The following PANX2 variants were observed in gnomAD, a reference collection of about 807,000 sequenced individuals.
PANX2 encodes pannexin-2.
PANX2 carries 30 observed loss-of-function variants against 38.7 expected under a neutral mutation model. The observed-to-expected ratio is 0.78, with a 90% CI of 0.58 to 1.05. PANX2 has a LOEUF of 1.05. Among genes scored for constraint, PANX2 ranks in the 50% least tolerant of loss-of-function variants. PANX2 has a pLI of 0.00. For synonymous variants in PANX2, 539 were observed against 472.1 expected, an observed-to-expected ratio of 1.14 and a Z score of -1.84; for missense variants, 880 against 979.3, an observed-to-expected ratio of 0.90 and a Z score of 1.35.
At chr22:50,176,701 C>T (rs976184832) in intron 1 of PANX2, among the ~76,000 whole-genome samples, 4 of 152,182 alleles carry the variant, frequency 2.6e-5, no homozygotes, top group Non-Finnish European at 5.9e-5. Flanking sequence ...GCGGTCATGG[C>T]TTCCACCTGC....
At chr22:50,178,901 G>A (rs1452918467) in intron 2 of PANX2, 33 bp from the exon 3 acceptor site, 3 of 1,516,222 alleles carry the variant, frequency 2.0e-6, no homozygotes, top group Non-Finnish European at 2.7e-6. Context: ...GCGGAGGATG[G>A]TGTGAGATGT....
chr22:50,176,026 TG>T (rs1256431700), intron 1 of PANX2, among the ~76,000 whole-genome samples: 7 of 152,316 alleles, frequency 4.6e-5, no homozygotes, highest in African/African-American at 1.7e-4. Flanking sequence ...AGGCTGAGGC[TG>T]GTGTGGGCCT....
At chr22:50,178,437 TG>T in intron 2 of PANX2, 35 bp downstream of exon 2, 1 of 1,123,814 alleles carries the variant, frequency 8.9e-7, no homozygotes, top group Non-Finnish European at 1.1e-6. Context: ...GACGGGGGAC[TG>T]GGGGTGGGAG....
At chr22:50,172,181 T>G (rs1209858019) in intron 1 of PANX2, among the ~76,000 whole-genome samples, 2 of 152,192 alleles carry the variant, frequency 1.3e-5, no homozygotes, top group Non-Finnish European at 2.9e-5. Flanking sequence ...TTCTCTGTGT[T>G]TGTAGCAACC....
chr22:50,178,846 T>C (rs2063680801), intron 2 of PANX2, 88 bp from the exon 3 acceptor site: 2 of 1,220,552 alleles, frequency 1.6e-6, no homozygotes, highest in East Asian at 2.5e-5. Context: ...CCGTGAGCCC[T>C]GCTCCCCCGC....
chr22:50,178,332 G>A lies in PANX2; in HGVS notation c.1620G>A (p.Arg540=). ...TGCCCGCCGCCCTGCCCGCCTCCCG[G>A]AGCCAGGAGGGGGGCTTCCTGTCCC... ...EAVPAALPAS[R]SQEGGFLSQA... is the part of the protein sequence containing the mutation. The change falls in exon 2 of 3, where the codon CGG becomes CGA. Residue 540 remains arginine (R), a synonymous_variant. Transcript: ENST00000395842. The A allele has an allele frequency of 6.7e-7, 1 of 1,503,162 alleles. No individual in the cohort carries two copies. Among genetic ancestry groups the A allele is most frequent in the Non-Finnish European group, 8.8e-7 (1 of 1,133,704 alleles). 93.1% of individuals were successfully genotyped at this position (1,503,162 alleles called of 1,614,324 possible).
At chr22:50,171,944 TC>T (rs1162601061) in intron 1 of PANX2, among the ~76,000 whole-genome samples, 1 of 151,960 alleles carries the variant, frequency 6.6e-6, no homozygotes, top group African/African-American at 2.4e-5. Flanking sequence ...CCTTAAGGAG[TC>T]CCCGTGGCCT....
Position 50,170,896 on chromosome 22 carries a change from A to G in PANX2, c.166A>G (p.Ile56Val), listed in dbSNP as rs756018496. 2.2e-5 allele frequency: 33 copies of G among 1,525,070 alleles called. No individual in the cohort carries two copies. The highest frequency in any genetic ancestry group is 1.4e-4 in the Admixed American group (7 of 49,426). The allele number at this position is 1,525,070 out of a possible 1,614,324, so 94.5% of individuals were successfully genotyped here. ...GCTGCCGTTCGACCGGGTGGTCACC[A>G]TCGGCACCGTGCTGGTGCCCATCCT... Reference protein sequence around the residue: ...LELPFDRVVTIGTVLVPILLV... With the variant: ...LELPFDRVVTVGTVLVPILLV... Residue 56 changes from isoleucine to valine, a missense_variant, in exon 1 of 3, where the codon ATC (isoleucine) becomes GTC (valine). Around this residue, in one of 4 missense-constraint regions of PANX2, gnomAD observed 243 missense variants for 333.1 expected, o/e 0.73. Transcript: ENST00000395842.
rs1320466586 is a variant in PANX2, at chr22:50,180,096, A to T, written c.*819A>T. On this transcript the variant is annotated 3_prime_UTR_variant, in exon 3 of 3. Coordinates refer to ENST00000395842, the MANE Select transcript of PANX2 (RefSeq NM_052839.4). ...GTGCACGCCAGCGCGTGGCCCATGT[A>T]TGAGGAGTGAAGGGGCCCAACGCAA... is the stretch of plus-strand genomic sequence containing the variant. 6.6e-6 allele frequency: 1 copy of T among 152,184 alleles called. No homozygotes were observed. Among genetic ancestry groups the T allele is most frequent in the Non-Finnish European group, 1.5e-5 (1 of 68,050 alleles). 9.4% of individuals were successfully genotyped at this position (152,184 alleles called of 1,614,324 possible). A position where few individuals can be genotyped will look rare whatever the true frequency, so the allele number is the denominator to read the frequency against.
rs532433713 is a variant in PANX2, at chr22:50,179,457, G to A, written c.*180G>A. 5.9e-4 allele frequency: 350 copies of A among 596,516 alleles called. 4 individuals carry two copies. In the East Asian group the frequency reaches 9.4e-3, roughly 16 times the overall value. 37.0% of individuals were successfully genotyped at this position (596,516 alleles called of 1,614,324 possible). A position where few individuals can be genotyped will look rare whatever the true frequency, so the allele number is the denominator to read the frequency against. Reference sequence around the variant, plus strand: ...CCCCACGTGCTCGACAGGGGAACCCGCCCGGACGGCATCGCCAGGCACTGG... The same window carrying A: ...CCCCACGTGCTCGACAGGGGAACCCACCCGGACGGCATCGCCAGGCACTGG... On this transcript the variant is annotated 3_prime_UTR_variant, in exon 3 of 3. Transcript: ENST00000395842.
chr22:50,173,244 G>C (rs2147058977), intron 1 of PANX2, among the ~76,000 whole-genome samples: 1 of 152,280 alleles, frequency 6.6e-6, no homozygotes, highest in Non-Finnish European at 1.5e-5. Context: ...TGTTGGCCAG[G>C]CTGGTCTCGA....
At position 50,176,973 on chromosome 22, in the gene PANX2, C is replaced by T; in HGVS notation, c.261C>T (p.Phe87=). The T allele has an allele frequency of 1.3e-6, 2 of 1,564,166 alleles. No homozygotes were observed. Among genetic ancestry groups the T allele is most frequent in the African/African-American group, 1.4e-5 (1 of 73,674 alleles). Residue 87 remains phenylalanine, a synonymous_variant, in exon 2 of 3, where the codon TTC becomes TTT. Coordinates refer to ENST00000395842, the MANE Select transcript of PANX2 (RefSeq NM_052839.4). ...TTTACTGTTACACCCCGCACAACTT[C>T]ACGCGCGACCAGGCGCTGTACGCCC... ...EPIYCYTPHN[F]TRDQALYARG...
chr22:50,178,531 AG>A lies in PANX2; in HGVS notation c.1690+134del, dbSNP rs2063679133. 11 of 599,242 alleles carry A rather than the reference AG, an allele frequency of 1.8e-5. No individual in the cohort carries two copies. The South Asian group carries it at 2.9e-4, about 16-fold the overall frequency. 37.1% of individuals were successfully genotyped at this position (599,242 alleles called of 1,614,324 possible). A position where few individuals can be genotyped will look rare whatever the true frequency, so the allele number is the denominator to read the frequency against. On this transcript the variant is annotated intron_variant, in intron 2 of 2. Coordinates refer to ENST00000395842, the MANE Select transcript of PANX2 (RefSeq NM_052839.4). ...GGGGCCTGGCTTGAGGCCCCCTCAA[AG>A]GGGGAAGGGAGGAGGCCGAGGTTTG...
At position 50,177,415 on chromosome 22, in the gene PANX2, C is replaced by T. The variant is rs2063668014; in HGVS notation, c.703C>T (p.Leu235=). 3 of 1,608,826 alleles carry T rather than the reference C, an allele frequency of 1.9e-6. No individual in the cohort carries two copies. In the East Asian group the frequency reaches 6.7e-5, roughly 36 times the overall value. Residue 235 remains leucine, a synonymous_variant, in exon 2 of 3, where the codon CTG becomes TTG. Transcript: ENST00000395842. ...KLYLARHVLI[L]LLSAVPISYL... ...GTACCTGGCGCGGCACGTGCTGATCCTGCTGCTGAGCGCCGTGCCCATCTC... is the reference window on the plus strand; with the variant it reads ...GTACCTGGCGCGGCACGTGCTGATCTTGCTGCTGAGCGCCGTGCCCATCTC...
chr22:50,177,838 G>A lies in PANX2; in HGVS notation c.1126G>A (p.Asp376Asn), dbSNP rs139671069. 3.8e-4 allele frequency: 613 copies of A among 1,595,618 alleles called. 2 individuals are homozygous for A. The highest frequency in any genetic ancestry group is 6.1e-4 in the South Asian group (55 of 90,716). Residue 376 changes from aspartate (D) to asparagine (N), a missense_variant, in exon 2 of 3, where the codon GAC becomes AAC. Transcript: ENST00000395842. ...CACCAACGAGAGCGACCTCATGTAC[G>A]ACAACGTGGTCCGGCAGCTGCTGGC... ...FITNESDLMY[D>N]NVVRQLLAAL... is the part of the protein sequence containing the mutation.
chr22:50,176,825 G>A, intron 1 of PANX2, 114 bp from the exon 2 acceptor site: 1 of 1,141,818 alleles, frequency 8.8e-7, no homozygotes, highest in Non-Finnish European at 1.2e-6. Context: ...GTGGGAGGAG[G>A]CTGGAGAGGC....
At chr22:50,174,385 G>C (rs1369178358) in intron 1 of PANX2, among the ~76,000 whole-genome samples, 2 of 152,194 alleles carry the variant, frequency 1.3e-5, no homozygotes, top group African/African-American at 4.8e-5. Flanking sequence ...TCGGGTCCTG[G>C]GGACGGCATT....
chr22:50,174,757 C>A (rs182648045), intron 1 of PANX2, among the ~76,000 whole-genome samples: 1 of 152,204 alleles, frequency 6.6e-6, no homozygotes, highest in Non-Finnish European at 1.5e-5. Context: ...GCAGTCGCTG[C>A]GTGTGGGATG....
Position 50,179,244 on chromosome 22 carries a change from GCCGAGAACGGT to G in PANX2, c.2003_2013del (p.Pro668ArgfsTer92), listed in dbSNP as rs1365111047. 1.9e-6 allele frequency: 3 copies of G among 1,612,728 alleles called. No homozygotes were observed. Among genetic ancestry groups the G allele is most frequent in the Non-Finnish European group, 2.5e-6 (3 of 1,179,890 alleles). ...AGATCCTCATCGCCACCTTCGACGA[GCCGAGAACGGT>G]CGTGAGTACTGTGGAGTTTTGAGGG... On this transcript the variant is annotated frameshift_variant, in exon 3 of 3. Coordinates refer to ENST00000395842, the MANE Select transcript of PANX2 (RefSeq NM_052839.4). LOFTEE classifies it high-confidence loss of function.
Sources: allele counts gnomAD v4.1 joint callset (sites outside exome capture counted in the v4.1 genomes callset), GRCh38; gene constraint gnomAD v4.1.1; regional missense constraint gnomAD v4.1.1; transcripts MANE v1.5; gene names NCBI Gene and HGNC (gene_info 2026-07-23, HGNC 2026-07-21).